The following PLEKHG7 variants were observed in gnomAD, a reference collection of about 807,000 sequenced individuals.
PLEKHG7 encodes pleckstrin homology domain-containing family G member 7.
A neutral mutation model predicts 85.2 loss-of-function variants in PLEKHG7; 77 were observed. The ratio of observed to expected loss-of-function variants is 0.90; its 90% CI spans 0.75 to 1.09. The LOEUF is 1.09. Among genes scored for constraint, PLEKHG7 ranks in the 50% least tolerant of loss-of-function variants. PLEKHG7 has a pLI of 0.00. For synonymous variants in PLEKHG7, 301 were observed against 302.4 expected, an observed-to-expected ratio of 1.00 and a Z score of 0.05; for missense variants, 777 against 804.3, an observed-to-expected ratio of 0.97 and a Z score of 0.41.
chr12:92,750,866 G>A (rs1003576041), intron 10 of PLEKHG7, among the ~76,000 whole-genome samples: 6 of 152,098 alleles, frequency 3.9e-5, no homozygotes, highest in Non-Finnish European at 7.4e-5. Context: ...TAGCCACACT[G>A]GAGTCTGAGG....
intron 3 of PLEKHG7, among the ~76,000 whole-genome samples, chr12:92,716,958 C>T (rs1871507206): frequency 6.6e-6 from 1 of 152,214 alleles, no homozygotes. Flanking sequence ...AATGCATTTG[C>T]ATTTTAACAA....
In PLEKHG7 at chr12:92,706,818, C is replaced by G. The variant is rs1268473826; in HGVS notation, c.187C>G (p.Gln63Glu). Residue 63 changes from glutamine to glutamate, a missense_variant, in exon 2 of 17, where the codon CAG (glutamine) becomes GAG (glutamate). Gln to Glu is a conservative substitution (Grantham distance 29, BLOSUM62 2). This residue lies in a region of PLEKHG7 where 252 missense variants were observed against 241.9 expected (regional missense o/e 1.04). Transcript: ENST00000344636. ...RLRTRGCGTR[Q>E]DAWQVTTWGS... is the part of the protein sequence containing the mutation. Reference sequence around the variant, plus strand: ...AAGGACCCGTGGCTGTGGGACAAGGCAGGATGCCTGGCAGGTGACCACCTG... The same window carrying G: ...AAGGACCCGTGGCTGTGGGACAAGGGAGGATGCCTGGCAGGTGACCACCTG... 6.2e-7 allele frequency: 1 copy of G among 1,613,980 alleles called. No homozygotes were observed. Among genetic ancestry groups the G allele is most frequent in the Non-Finnish European group, 8.5e-7 (1 of 1,180,032 alleles).
At chr12:92,703,696 C>CCT (rs1177081602) in intron 1 of PLEKHG7, among the ~76,000 whole-genome samples, 8 of 152,246 alleles carry the variant, frequency 5.3e-5, no homozygotes, top group African/African-American at 1.7e-4. Context: ...CAAACCACCT[C>CCT]CCTAAGCCCT....
At chr12:92,733,861 G>A (rs1322426517) in intron 5 of PLEKHG7, among the ~76,000 whole-genome samples, 1 of 152,170 alleles carries the variant, frequency 6.6e-6, no homozygotes, top group Non-Finnish European at 1.5e-5. Flanking sequence ...GAGCAACTGG[G>A]CCAAGTACTG....
intron 3 of PLEKHG7, among the ~76,000 whole-genome samples, chr12:92,713,097 C>A (rs1007402326): frequency 8.5e-5 from 13 of 152,174 alleles, no homozygotes; most frequent in Admixed American, 7.2e-4. Context: ...CCACTGCACT[C>A]CAGCCTGGAC....
At chr12:92,754,632 T>C (rs1872777353) in intron 11 of PLEKHG7, among the ~76,000 whole-genome samples, 1 of 152,190 alleles carries the variant, frequency 6.6e-6, no homozygotes, top group Non-Finnish European at 1.5e-5. Flanking sequence ...ATGGAAAGTG[T>C]GTCCAGAGGA....
At chr12:92,742,411 A>T (rs927879778) in intron 9 of PLEKHG7, among the ~76,000 whole-genome samples, 4 of 152,176 alleles carry the variant, frequency 2.6e-5, no homozygotes, top group African/African-American at 9.7e-5. Context: ...AAACCTTGTA[A>T]GTTGGGATGC....
intron 3 of PLEKHG7, among the ~76,000 whole-genome samples, chr12:92,716,809 G>A (rs1440294349): frequency 6.6e-6 from 1 of 152,152 alleles, no homozygotes; most frequent in Non-Finnish European, 1.5e-5. Flanking sequence ...CTTCCTGAGA[G>A]CAGAGACTGC....
chr12:92,742,649 G>A (rs530690307), intron 9 of PLEKHG7, among the ~76,000 whole-genome samples: 60 of 150,028 alleles, frequency 4.0e-4, no homozygotes, highest in African/African-American at 1.4e-3. Context: ...GCAGTAGTGC[G>A]ACTTCAGCTC....
chr12:92,711,997 TCTTTCA>T (rs2136572637), intron 3 of PLEKHG7, among the ~76,000 whole-genome samples: 1 of 152,330 alleles, frequency 6.6e-6, no homozygotes, highest in East Asian at 1.9e-4. Context: ...TAGCAACTTA[TCTTTCA>T]CTTTAGAAGG....
chr12:92,711,140 C>G lies in PLEKHG7; in HGVS notation c.530+3468C>G, dbSNP rs114037405. 4.0e-3 allele frequency among the ~76,000 whole-genome samples: 602 copies of G among 152,352 alleles called. 2 individuals are homozygous for G. Among genetic ancestry groups the G allele is most frequent in the African/African-American group, 0.014 (583 of 41,582 alleles). ...CATGCAAAGTACACAACCAGGTGTA[C>G]TCCTCGAAGTTCTGCCCACTGGGAA... On this transcript the variant is annotated intron_variant, in intron 3 of 16. Coordinates refer to ENST00000344636, the MANE Select transcript of PLEKHG7 (RefSeq NM_001377329.1).
At chr12:92,735,260 T>C (rs973098125) in intron 5 of PLEKHG7, among the ~76,000 whole-genome samples, 1 of 152,048 alleles carries the variant, frequency 6.6e-6, no homozygotes, top group African/African-American at 2.4e-5. Flanking sequence ...CAGTAGGAGG[T>C]CTTTAACTGG....
intron 5 of PLEKHG7, 114 bp downstream of exon 5, chr12:92,732,387 C>A (rs963817109): frequency 8.2e-5 from 48 of 581,976 alleles, no homozygotes; most frequent in Non-Finnish European, 1.2e-4. Context: ...AGGCAGATGG[C>A]ACGTGAAATA....
At chr12:92,737,737 A>G (rs61503639) in intron 7 of PLEKHG7, among the ~76,000 whole-genome samples, 5 of 51,022 alleles carry the variant, frequency 9.8e-5, no homozygotes, top group Middle Eastern at 0.01. Context: ...AGGAGGGAGG[A>G]AGGGAGGGAG....
chr12:92,724,532 T>A (rs1871742637), intron 3 of PLEKHG7, among the ~76,000 whole-genome samples: 2 of 152,154 alleles, frequency 1.3e-5, no homozygotes, highest in South Asian at 4.1e-4. Context: ...TGCCTGGATG[T>A]CACAGAACCC....
At chr12:92,740,827 A>G (rs775215958) in intron 7 of PLEKHG7, 26 bp from the exon 8 acceptor site, 1 of 1,467,388 alleles carries the variant, frequency 6.8e-7, no homozygotes, top group Non-Finnish European at 9.4e-7. Flanking sequence ...ACAGAAATTA[A>G]TGTGTATATA....
At position 92,745,537 on chromosome 12, in the gene PLEKHG7, T is replaced by C. The variant is rs1417560456; in HGVS notation, c.1197T>C (p.Ala399=). 4 of 1,613,956 alleles carry C rather than the reference T, an allele frequency of 2.5e-6. No individual in the cohort carries two copies. Among genetic ancestry groups the C allele is most frequent in the African/African-American group, 1.3e-5 (1 of 74,934 alleles). The part of the protein sequence containing the change: ...HQTYCLNYSA[A]IFYLESLRQR... The stretch of plus-strand genomic sequence containing the variant: ...CCTACTGCCTGAACTATTCAGCTGC[T>C]ATCTTTTATCTTGAGAGCCTGAGGC... Residue 399 remains alanine, a synonymous_variant, in exon 10 of 17, where the codon GCT becomes GCC. Transcript: ENST00000344636.
chr12:92,723,903 C>A (rs567365434), intron 3 of PLEKHG7, among the ~76,000 whole-genome samples: 2 of 152,244 alleles, frequency 1.3e-5, no homozygotes, highest in South Asian at 4.2e-4. Context: ...GGGAAACTAC[C>A]AAACTTAATG....
chr12:92,721,132 T>TA (rs1422276213), intron 3 of PLEKHG7, among the ~76,000 whole-genome samples: 5 of 152,216 alleles, frequency 3.3e-5, no homozygotes, highest in African/African-American at 1.2e-4. Context: ...ACAAAGTGTC[T>TA]AAGAAGAATC....
Sources: allele counts gnomAD v4.1 joint callset (sites outside exome capture counted in the v4.1 genomes callset), GRCh38; gene constraint gnomAD v4.1.1; regional missense constraint gnomAD v4.1.1; transcripts MANE v1.5; gene names NCBI Gene and HGNC (gene_info 2026-07-23, HGNC 2026-07-21).